The following KIAA0825 variants were observed in gnomAD, a reference collection of about 807,000 sequenced individuals.
KIAA0825 encodes the protein KIAA0825.
In KIAA0825, 119 loss-of-function variants were observed where a neutral mutation model predicts 147.6. That is an observed-to-expected ratio of 0.81 (90% confidence interval 0.69 to 0.94). The LOEUF (loss-of-function observed/expected upper bound fraction) is 0.94, where lower values mean the gene tolerates loss of function less well. Among genes scored for constraint, KIAA0825 ranks in the 40% least tolerant of loss-of-function variants. The pLI is 0.00. For synonymous variants in KIAA0825, 470 were observed against 518.1 expected, an observed-to-expected ratio of 0.91 and a Z score of 1.26; for missense variants, 1,381 against 1,472.7, an observed-to-expected ratio of 0.94 and a Z score of 1.02.
intron 13 of KIAA0825, among the ~76,000 whole-genome samples, chr5:94,442,453 G>T (rs1399465145): frequency 2.0e-5 from 3 of 152,164 alleles, no homozygotes; most frequent in African/African-American, 4.8e-5. Context: ...GAGGAATCAA[G>T]TTTATCAGTT....
At chr5:94,444,210 G>T (rs1399440539) in intron 13 of KIAA0825, among the ~76,000 whole-genome samples, 1 of 152,120 alleles carries the variant, frequency 6.6e-6, no homozygotes, top group Non-Finnish European at 1.5e-5. Flanking sequence ...TTTCCATGGT[G>T]GGGTGGGATG....
chr5:94,216,136 C>A (rs1351646098), intron 20 of KIAA0825, among the ~76,000 whole-genome samples: 2 of 152,096 alleles, frequency 1.3e-5, no homozygotes, highest in African/African-American at 2.4e-5. Context: ...TGGTACAACA[C>A]CCCCAACACA....
In KIAA0825 at chr5:94,152,886, ATATATATATATATATAT is replaced by A. The variant is rs1562284232; in HGVS notation, c.*1104_*1120del. The stretch of plus-strand genomic sequence containing the variant: ...TATATATATATATATATATATATAT[ATATATATATATATATAT>A]GGTTTCTCCCAGACGTTCTTAGACT... On this transcript the variant is annotated 3_prime_UTR_variant, in exon 21 of 21. Transcript: ENST00000682413. 29 of 72,328 alleles carry A rather than the reference ATATATATATATATATAT, an allele frequency of 4.0e-4. 4 individuals carry two copies. The highest frequency in any genetic ancestry group is 1.1e-3 in the Admixed American group (6 of 5,510). The allele number at this position is 72,328 out of a possible 1,614,324, so 4.5% of individuals were successfully genotyped here.
intron 20 of KIAA0825, among the ~76,000 whole-genome samples, chr5:94,322,695 T>C (rs1780310250): frequency 6.6e-6 from 1 of 151,934 alleles, no homozygotes; most frequent in Non-Finnish European, 1.5e-5. Flanking sequence ...AAAAACAACC[T>C]ATCACAAATA....
At chr5:94,346,789 T>C (rs958973228) in intron 20 of KIAA0825, among the ~76,000 whole-genome samples, 14 of 152,064 alleles carry the variant, frequency 9.2e-5, no homozygotes, top group African/African-American at 3.4e-4. Flanking sequence ...TCGTAACAGT[T>C]TGAACAGGGC....
chr5:94,443,930 G>A (rs1418342979), intron 13 of KIAA0825, among the ~76,000 whole-genome samples: 1 of 152,192 alleles, frequency 6.6e-6, no homozygotes, highest in Non-Finnish European at 1.5e-5. Flanking sequence ...GAAGCTGCAA[G>A]ACTAGCAGAA....
chr5:94,570,923 T>C (rs916892782), intron 2 of KIAA0825, among the ~76,000 whole-genome samples: 2 of 152,218 alleles, frequency 1.3e-5, no homozygotes, highest in Non-Finnish European at 2.9e-5. Flanking sequence ...AATATTACCA[T>C]GTCATACTTA....
At chr5:94,228,501 T>C (rs1309292951) in intron 20 of KIAA0825, among the ~76,000 whole-genome samples, 1 of 152,176 alleles carries the variant, frequency 6.6e-6, no homozygotes, top group Non-Finnish European at 1.5e-5. Context: ...CCTCCATTCT[T>C]AGTGTATGGG....
In KIAA0825 at chr5:94,152,736, G is replaced by A. The variant is rs181938570; in HGVS notation, c.*1271C>T. ...AGGCTGAGGTGGGAGTATTGCTTGA[G>A]CCTATGAGTTTGAGGTTACATTGAA... On this transcript the variant is annotated 3_prime_UTR_variant, in exon 21 of 21. Coordinates refer to ENST00000682413, the MANE Select transcript of KIAA0825 (RefSeq NM_001145678.3). Among the ~76,000 whole-genome samples the A allele has an allele frequency of 4.6e-3, 644 of 139,870 alleles. 5 individuals carry two copies. Among genetic ancestry groups the A allele is most frequent in the African/African-American group, 0.016 (601 of 37,590 alleles). 91.8% of individuals were successfully genotyped at this position (139,870 alleles called of 152,430 possible).
chr5:94,176,283 C>G (rs1417364072), intron 20 of KIAA0825, among the ~76,000 whole-genome samples: 1 of 152,162 alleles, frequency 6.6e-6, no homozygotes, highest in Non-Finnish European at 1.5e-5. Flanking sequence ...ACCATGTGAT[C>G]TCTTTGCATG....
At chr5:94,592,526 T>G (rs996882865) in intron 1 of KIAA0825, among the ~76,000 whole-genome samples, 3 of 152,136 alleles carry the variant, frequency 2.0e-5, no homozygotes, top group African/African-American at 4.8e-5. Context: ...ACCAAGACAG[T>G]TGCATTCCAT....
Position 94,358,263 on chromosome 5 carries a change from G to A in KIAA0825, c.3710+26105C>T, listed in dbSNP as rs185896907. ...GAAAAGTCTTTTAAAACATAAGCACGAATTCCCTCCCCAACCTCTTAAAGT... is the reference window on the plus strand; with the variant it reads ...GAAAAGTCTTTTAAAACATAAGCACAAATTCCCTCCCCAACCTCTTAAAGT... On this transcript the variant is annotated intron_variant, in intron 20 of 20. Coordinates refer to ENST00000682413, the MANE Select transcript of KIAA0825 (RefSeq NM_001145678.3). Among the ~76,000 whole-genome samples, 787 of 152,238 alleles carry A rather than the reference G, an allele frequency of 5.2e-3. 4 individuals carry two copies. Among genetic ancestry groups the A allele is most frequent in the Non-Finnish European group, 8.0e-3 (546 of 68,022 alleles).
chr5:94,213,424 C>T (rs17083477), intron 20 of KIAA0825, among the ~76,000 whole-genome samples: 6 of 152,232 alleles, frequency 3.9e-5, no homozygotes, highest in Non-Finnish European at 7.4e-5. Flanking sequence ...TCCTATTCCA[C>T]CCACCTAATA....
chr5:94,522,157 A>G (rs1228663625), intron 4 of KIAA0825, among the ~76,000 whole-genome samples: 3 of 151,748 alleles, frequency 2.0e-5, no homozygotes, highest in Non-Finnish European at 4.4e-5. Context: ...AAAATCAGGC[A>G]TGCTTCAGTG....
At chr5:94,160,141 T>C (rs1767414519) in intron 20 of KIAA0825, among the ~76,000 whole-genome samples, 1 of 152,146 alleles carries the variant, frequency 6.6e-6, no homozygotes, top group Admixed American at 6.5e-5. Flanking sequence ...CTTTCTGCTG[T>C]TCTGTACATG....
intron 20 of KIAA0825, among the ~76,000 whole-genome samples, chr5:94,285,116 A>G (rs1263521636): frequency 6.6e-6 from 1 of 152,170 alleles, no homozygotes; most frequent in African/African-American, 2.4e-5. Context: ...TCAAAGCTGT[A>G]TGTGTAATTT....
intron 5 of KIAA0825, 185 bp downstream of exon 5, chr5:94,520,063 A>C (rs1417101799): frequency 8.8e-7 from 1 of 1,136,640 alleles, no homozygotes; most frequent in Non-Finnish European, 1.1e-6. Flanking sequence ...ATAAGAAAGA[A>C]AATACTTTTA....
intron 7 of KIAA0825, 118 bp downstream of exon 7, chr5:94,476,993 A>G: frequency 2.7e-6 from 2 of 751,994 alleles, no homozygotes; most frequent in East Asian, 5.5e-5. Flanking sequence ...TCCAAAATTG[A>G]AAAATTATTT....
chr5:94,324,558 A>C (rs182845600), intron 20 of KIAA0825, among the ~76,000 whole-genome samples: 1 of 152,094 alleles, frequency 6.6e-6, no homozygotes, highest in Non-Finnish European at 1.5e-5. Flanking sequence ...CTGCTACACA[A>C]CAGAGGAATT....
Sources: gnomAD v4.1 joint callset for allele counts (sites outside exome capture counted in the v4.1 genomes callset) on GRCh38, gnomAD v4.1.1 for gene constraint, MANE v1.5 for transcripts, NCBI Gene and HGNC (gene_info 2026-07-23, HGNC 2026-07-21) for gene names.